LAMA2: variants seen among roughly 807,000 people sequenced by gnomAD.
LAMA2 encodes the protein laminin subunit alpha 2.
Under a neutral mutation model 364.8 loss-of-function variants are expected in LAMA2, and 269 were observed. The observed-to-expected ratio is 0.74, with a 90% CI of 0.67 to 0.82. LAMA2 has a LOEUF of 0.82. LAMA2 is among the 40% of genes least tolerant of loss of function. The pLI, the probability that LAMA2 is intolerant of heterozygous loss-of-function variation, is 0.00. For synonymous variants in LAMA2, 1,379 were observed against 1,370.6 expected (o/e 1.01, Z -0.14); for missense variants, 3,807 against 3,873.2 (o/e 0.98, Z 0.45).
chr6:129,473,407 T>C, intron 52 of LAMA2, 55 bp downstream of exon 52: 1 of 1,517,906 alleles, frequency 6.6e-7, no homozygotes, highest in Non-Finnish European at 9.1e-7. Flanking sequence ...ATGACCACTA[T>C]GCTCACTAGA....
chr6:129,388,382 A>G (rs1779142570), intron 35 of LAMA2, among the ~76,000 whole-genome samples: 1 of 152,176 alleles, frequency 6.6e-6, no homozygotes, highest in Non-Finnish European at 1.5e-5. Flanking sequence ...TCATTTTGCT[A>G]AAGTCATTTT....
intron 32 of LAMA2, among the ~76,000 whole-genome samples, chr6:129,364,225 A>C (rs537745294): frequency 3.6e-4 from 55 of 152,276 alleles, no homozygotes; most frequent in African/African-American, 1.3e-3. Context: ...CCTATCAAAA[A>C]ATCACTCTCC....
chr6:128,959,472 C>G (rs998567602), intron 1 of LAMA2, among the ~76,000 whole-genome samples: 2 of 152,094 alleles, frequency 1.3e-5, no homozygotes, highest in East Asian at 1.9e-4. Flanking sequence ...CTTCATGGCT[C>G]TCAATTCTTC....
chr6:129,438,038 G>A (rs561582172), intron 41 of LAMA2, among the ~76,000 whole-genome samples: 36 of 151,144 alleles, frequency 2.4e-4, no homozygotes, highest in Non-Finnish European at 4.6e-4. Flanking sequence ...CATTGCTAAA[G>A]TATCAAGAGA....
At position 129,149,206 on chromosome 6, in the gene LAMA2, C is replaced by T. The variant is rs190217174; in HGVS notation, c.1027+110C>T. On this transcript the variant is annotated intron_variant, in intron 7 of 64. Transcript: ENST00000421865. ...TTATGCAAATGTGTCAACAAATACT[C>T]ATTTATATTATCACTTCGAAGACAA... is the stretch of plus-strand genomic sequence containing the variant. 108 of 764,114 alleles carry T rather than the reference C, an allele frequency of 1.4e-4. No homozygotes were observed. The East Asian group carries it at 2.5e-3, about 18-fold the overall frequency. The allele number at this position is 764,114 out of a possible 1,614,324, so 47.3% of individuals were successfully genotyped here.
intron 1 of LAMA2, among the ~76,000 whole-genome samples, chr6:129,014,198 A>C (rs970453205): frequency 6.6e-6 from 1 of 152,184 alleles, no homozygotes; most frequent in Non-Finnish European, 1.5e-5. Flanking sequence ...CCTTTTAGAC[A>C]TCTAAATAGA....
intron 3 of LAMA2, among the ~76,000 whole-genome samples, chr6:129,065,245 A>T (rs1198619178): frequency 6.6e-6 from 1 of 152,216 alleles, no homozygotes; most frequent in East Asian, 1.9e-4. Flanking sequence ...TAGCTATAGA[A>T]GGAATGTACG....
At chr6:129,259,269 T>G (rs1410961189) in intron 14 of LAMA2, among the ~76,000 whole-genome samples, 3 of 152,128 alleles carry the variant, frequency 2.0e-5, no homozygotes, top group Non-Finnish European at 4.4e-5. Flanking sequence ...TTAGCTTTGC[T>G]CTCTGGCTTG....
chr6:129,261,337 A>G (rs1368902880), intron 15 of LAMA2, among the ~76,000 whole-genome samples: 2 of 152,118 alleles, frequency 1.3e-5, no homozygotes, highest in African/African-American at 2.4e-5. Context: ...AAAACTGCCT[A>G]CAGGTCTTTG....
Position 129,411,681 on chromosome 6 carries a change from A to G in LAMA2, c.5865+7722A>G, listed in dbSNP as rs1328941973. 2.0e-5 allele frequency among the ~76,000 whole-genome samples: 3 copies of G among 152,180 alleles called. 1 individual carries two copies. The highest frequency in any genetic ancestry group is 4.1e-4 in the South Asian group (2 of 4,832). On this transcript the variant is annotated intron_variant, in intron 40 of 64. Coordinates refer to ENST00000421865, the MANE Select transcript of LAMA2 (RefSeq NM_000426.4). ...TGTGACAGATCAGTGAGGAGGAAACACGCTGATAAGAAGCACTGAACTACT... is the reference window on the plus strand; with the variant it reads ...TGTGACAGATCAGTGAGGAGGAAACGCGCTGATAAGAAGCACTGAACTACT...
chr6:129,025,033 A>G (rs1309161697), intron 1 of LAMA2, among the ~76,000 whole-genome samples: 1 of 152,216 alleles, frequency 6.6e-6, no homozygotes, highest in Non-Finnish European at 1.5e-5. Context: ...CTTAGAGCTA[A>G]ATAGTTTGGG....
intron 1 of LAMA2, among the ~76,000 whole-genome samples, chr6:128,972,037 C>T (rs1782218411): frequency 6.6e-6 from 1 of 152,112 alleles, no homozygotes. Context: ...AGTGGAATTT[C>T]CTACACTGGG....
intron 12 of LAMA2, among the ~76,000 whole-genome samples, chr6:129,219,833 G>A (rs899428811): frequency 6.8e-6 from 1 of 147,452 alleles, no homozygotes; most frequent in Non-Finnish European, 1.5e-5. Context: ...GTTGTGGGGT[G>A]GGGGGGAGGG....
chr6:128,905,383 T>G (rs1248978167), intron 1 of LAMA2: 1 of 152,118 alleles, frequency 6.6e-6, no homozygotes, highest in African/African-American at 2.4e-5. Flanking sequence ...TAACTATTTT[T>G]TTCTGTTCCA....
chr6:129,253,909 T>C (rs946579533), intron 14 of LAMA2, among the ~76,000 whole-genome samples: 2 of 152,234 alleles, frequency 1.3e-5, no homozygotes, highest in Non-Finnish European at 2.9e-5. Context: ...GGCTACTTTC[T>C]GTCACCTACA....
chr6:128,933,870 T>C (rs1342461689), intron 1 of LAMA2, among the ~76,000 whole-genome samples: 1 of 152,240 alleles, frequency 6.6e-6, no homozygotes, highest in African/African-American at 2.4e-5. Flanking sequence ...TTTGCCAATA[T>C]ATTATCCCAT....
chr6:129,304,274 T>G (rs190455660), intron 22 of LAMA2, among the ~76,000 whole-genome samples: 4 of 152,144 alleles, frequency 2.6e-5, no homozygotes, highest in Admixed American at 6.5e-5. Flanking sequence ...TTTTTTGTTT[T>G]TTGTTTTTGA....
At chr6:128,925,134 T>C (rs1475688466) in intron 1 of LAMA2, among the ~76,000 whole-genome samples, 1 of 152,082 alleles carries the variant, frequency 6.6e-6, no homozygotes, top group Admixed American at 6.5e-5. Flanking sequence ...CAAATAGAAT[T>C]ACAATAGGAT....
chr6:129,288,030 A>T lies in LAMA2; in HGVS notation c.2721A>T (p.Gly907=). 6.2e-7 allele frequency: 1 copy of T among 1,614,040 alleles called. No homozygotes were observed. The highest frequency in any genetic ancestry group is 1.1e-5 in the South Asian group (1 of 91,080). The change falls in exon 19 of 65, where the codon GGA becomes GGT. Residue 907 remains glycine, a synonymous_variant. Coordinates refer to ENST00000421865, the MANE Select transcript of LAMA2 (RefSeq NM_000426.4). The part of the protein sequence containing the change: ...YCELCADGYF[G]DAVDAKNCQP... ...AGCTCTGTGCTGATGGATATTTTGG[A>T]GATGCAGTTGATGCGAAGAACTGTC...
Sources: allele counts gnomAD v4.1 joint callset (sites outside exome capture counted in the v4.1 genomes callset), GRCh38; gene constraint gnomAD v4.1.1; transcripts MANE v1.5; gene names NCBI Gene and HGNC (gene_info 2026-07-23, HGNC 2026-07-21).